Variants in SHC4 observed in about 807,000 individuals in gnomAD.
The protein encoded by SHC4 is SHC-transforming protein 4.
Under a neutral mutation model 69.4 loss-of-function variants are expected in SHC4, and 41 were observed. That is an observed-to-expected ratio of 0.59 (90% confidence interval 0.46 to 0.77). The LOEUF is 0.77. Among genes scored for constraint, SHC4 ranks in the 30% least tolerant of loss-of-function variants. The probability of loss-of-function intolerance (pLI) is 0.00; values close to 1 mark genes in which losing one functional copy is unlikely to be tolerated. For missense variants in SHC4, 777 were observed against 783.8 expected (o/e 0.99, Z 0.10); for synonymous variants, 318 against 299.3 (o/e 1.06, Z -0.64).
chr15:48,864,778 G>GAA (rs1340339501), intron 6 of SHC4, among the ~76,000 whole-genome samples: 5 of 152,064 alleles, frequency 3.3e-5, no homozygotes, highest in African/African-American at 1.2e-4. Flanking sequence ...ACAACTGCCA[G>GAA]AAAAATGATC....
At chr15:48,923,623 G>A (rs1177301234) in intron 2 of SHC4, among the ~76,000 whole-genome samples, 1 of 147,016 alleles carries the variant, frequency 6.8e-6, no homozygotes, top group African/African-American at 2.5e-5. Flanking sequence ...TAGCAGCACA[G>A]GACTACTCAG....
intron 2 of SHC4, among the ~76,000 whole-genome samples, chr15:48,919,225 G>A (rs1000142364): frequency 6.6e-5 from 10 of 150,534 alleles, no homozygotes; most frequent in Admixed American, 1.3e-4. Context: ...CTGAGTTGAC[G>A]GTTGAATGTT....
rs1900401329 is a variant in SHC4, at chr15:48,906,120, C to T, written c.657-15309G>A. On this transcript the variant is annotated intron_variant, in intron 2 of 11. Coordinates refer to ENST00000332408, the MANE Select transcript of SHC4 (RefSeq NM_203349.4). Reference sequence around the variant, plus strand: ...AAATATCTAAAACTCTAAAACAATGCCCTAAGTCCTATAAAAGGGGCCCAA... The same window carrying T: ...AAATATCTAAAACTCTAAAACAATGTCCTAAGTCCTATAAAAGGGGCCCAA... Among the ~76,000 whole-genome samples, 4 of 152,198 alleles carry T rather than the reference C, an allele frequency of 2.6e-5. No individual in the cohort carries two copies. The South Asian group carries it at 8.3e-4, about 31-fold the overall frequency.
intron 1 of SHC4, among the ~76,000 whole-genome samples, chr15:48,959,371 G>A (rs1266673632): frequency 2.6e-5 from 4 of 152,162 alleles, no homozygotes; most frequent in Non-Finnish European, 5.9e-5. Context: ...GGTCTCTTTT[G>A]TTTACTGATG....
intron 8 of SHC4, among the ~76,000 whole-genome samples, chr15:48,854,634 G>A (rs1286370413): frequency 6.6e-6 from 1 of 152,156 alleles, no homozygotes. Context: ...ATACTATGCA[G>A]CCACAAAAAA....
intron 2 of SHC4, among the ~76,000 whole-genome samples, chr15:48,916,271 G>GCA (rs1317286260): frequency 4.6e-5 from 5 of 108,498 alleles, no homozygotes; most frequent in Admixed American, 2.3e-4. Flanking sequence ...GCTGATGGTT[G>GCA]CTCACACACA....
At chr15:48,913,419 C>T (rs1044634872) in intron 2 of SHC4, among the ~76,000 whole-genome samples, 9 of 152,028 alleles carry the variant, frequency 5.9e-5, no homozygotes, top group African/African-American at 7.3e-5. Flanking sequence ...CCATGCAAAC[C>T]GAAGGTCCGG....
chr15:48,852,118 T>C (rs1899225358), intron 8 of SHC4, among the ~76,000 whole-genome samples: 1 of 152,144 alleles, frequency 6.6e-6, no homozygotes, highest in Non-Finnish European at 1.5e-5. Context: ...AACCTTGATA[T>C]AGATAAGCAA....
chr15:48,870,129 A>G (rs1375535587), intron 5 of SHC4, among the ~76,000 whole-genome samples: 1 of 152,220 alleles, frequency 6.6e-6, no homozygotes, highest in Non-Finnish European at 1.5e-5. Flanking sequence ...TTCACACTAC[A>G]TGTATAAACA....
intron 1 of SHC4, chr15:48,946,066 G>A (rs1334444356): frequency 6.6e-6 from 1 of 152,142 alleles, no homozygotes; most frequent in Non-Finnish European, 1.5e-5. Context: ...TCAATTATCT[G>A]AAAAAGTCAA....
intron 1 of SHC4, among the ~76,000 whole-genome samples, chr15:48,933,470 A>G (rs1901009705): frequency 6.6e-6 from 1 of 152,164 alleles, no homozygotes; most frequent in East Asian, 1.9e-4. Flanking sequence ...GGATCAGAAA[A>G]CTTAATAATG....
At chr15:48,840,620 T>C (rs1567049621) in intron 10 of SHC4, among the ~76,000 whole-genome samples, 1 of 152,146 alleles carries the variant, frequency 6.6e-6, no homozygotes, top group Non-Finnish European at 1.5e-5. Context: ...GACATTTTAT[T>C]AAAAAGTATG....
At chr15:48,910,616 G>A (rs1900491135) in intron 2 of SHC4, among the ~76,000 whole-genome samples, 1 of 151,830 alleles carries the variant, frequency 6.6e-6, no homozygotes, top group Non-Finnish European at 1.5e-5. Context: ...TTTGGGTTTG[G>A]TTTGTTCTTG....
intron 2 of SHC4, among the ~76,000 whole-genome samples, chr15:48,904,083 C>G (rs909932816): frequency 6.6e-6 from 1 of 152,064 alleles, no homozygotes; most frequent in Non-Finnish European, 1.5e-5. Context: ...AGAGAGAATT[C>G]ACAAAAAAGG....
At chr15:48,863,349 CATA>C (rs1313080261) in intron 6 of SHC4, among the ~76,000 whole-genome samples, 1 of 152,080 alleles carries the variant, frequency 6.6e-6, no homozygotes, top group African/African-American at 2.4e-5. Context: ...ACACAATCTT[CATA>C]ATGTTTTTTG....
At chr15:48,941,466 G>T (rs1437884923) in intron 1 of SHC4, among the ~76,000 whole-genome samples, 1 of 152,158 alleles carries the variant, frequency 6.6e-6, no homozygotes, top group Admixed American at 6.6e-5. Context: ...TTTAACAAGA[G>T]GGGCAAGATA....
chr15:48,901,867 C>A lies in SHC4; in HGVS notation c.657-11056G>T, dbSNP rs561264817. ...GAACAGTACCTCAGTAAATGCTAGCCATTATTATTGCTTTATCCTTATAAT... is the reference window on the plus strand; with the variant it reads ...GAACAGTACCTCAGTAAATGCTAGCAATTATTATTGCTTTATCCTTATAAT... On this transcript the variant is annotated intron_variant, in intron 2 of 11. Transcript: ENST00000332408. Among the ~76,000 whole-genome samples, 16 of 152,184 alleles carry A rather than the reference C, an allele frequency of 1.1e-4. No individual in the cohort carries two copies. In the East Asian group the frequency reaches 2.9e-3, roughly 28 times the overall value.
chr15:48,936,924 A>G (rs916740381), intron 1 of SHC4, among the ~76,000 whole-genome samples: 4 of 152,188 alleles, frequency 2.6e-5, no homozygotes, highest in Admixed American at 6.5e-5. Flanking sequence ...GAGAGGTTTC[A>G]TCTCTGCCTA....
chr15:48,834,333 G>C (rs1260261148), intron 11 of SHC4, among the ~76,000 whole-genome samples: 3 of 152,248 alleles, frequency 2.0e-5, no homozygotes, highest in Middle Eastern at 6.8e-3. Context: ...GCCTCAACCA[G>C]AATGACCTCT....
Sources: gnomAD v4.1 joint callset for allele counts (sites outside exome capture counted in the v4.1 genomes callset) on GRCh38, gnomAD v4.1.1 for gene constraint, MANE v1.5 for transcripts, NCBI Gene and HGNC (gene_info 2026-07-23, HGNC 2026-07-21) for gene names.